The following TTC6 variants were observed in gnomAD, a reference collection of about 807,000 sequenced individuals.
TTC6 encodes the protein tetratricopeptide repeat protein 6.
Under a neutral mutation model 210.4 loss-of-function variants are expected in TTC6, and 172 were observed. The ratio of observed to expected loss-of-function variants is 0.82; its 90% CI spans 0.72 to 0.93. TTC6 has a LOEUF of 0.93. Among genes scored for constraint, TTC6 ranks in the 40% least tolerant of loss-of-function variants. TTC6 has a pLI of 0.00. For missense variants in TTC6, 2,414 were observed against 2,318.1 expected (o/e 1.04, Z -0.85); for synonymous variants, 804 against 819.6 (o/e 0.98, Z 0.32).
chr14:37,613,327 G>A (rs765225127), intron 2 of TTC6, among the ~76,000 whole-genome samples: 12 of 151,864 alleles, frequency 7.9e-5, no homozygotes, highest in Non-Finnish European at 1.3e-4. Context: ...TTCAACCCTT[G>A]GATAAACTCT....
At chr14:37,711,373 A>AACAGGG (rs1405206632) in intron 5 of TTC6, among the ~76,000 whole-genome samples, 5 of 152,232 alleles carry the variant, frequency 3.3e-5, no homozygotes, top group Non-Finnish European at 5.9e-5. Context: ...GATCAAATGC[A>AACAGGG]ACAGGGAAAC....
At chr14:37,778,989 C>G (rs1383321027) in intron 14 of TTC6, among the ~76,000 whole-genome samples, 1 of 152,160 alleles carries the variant, frequency 6.6e-6, no homozygotes, top group Admixed American at 6.5e-5. Flanking sequence ...CTGCTCCAAA[C>G]CCTCTGGGCT....
At chr14:37,821,674 T>G (rs1566974346) in intron 26 of TTC6, among the ~76,000 whole-genome samples, 1 of 151,468 alleles carries the variant, frequency 6.6e-6, no homozygotes, top group Non-Finnish European at 1.5e-5. Context: ...AAATACCGTA[T>G]CACATTGTGA....
chr14:37,682,145 C>T (rs188868722), intron 2 of TTC6, among the ~76,000 whole-genome samples: 11 of 73,532 alleles, frequency 1.5e-4, no homozygotes, highest in South Asian at 6.8e-4. Flanking sequence ...TCCAGTGTGT[C>T]GAACCACTAA....
chr14:37,776,841 G>A (rs2096039238), intron 14 of TTC6, among the ~76,000 whole-genome samples: 1 of 152,018 alleles, frequency 6.6e-6, no homozygotes, highest in Admixed American at 6.6e-5. Context: ...AGGTTGCAGT[G>A]AGCCGAGATG....
chr14:37,700,045 A>G (rs771047720), intron 4 of TTC6, among the ~76,000 whole-genome samples: 52 of 152,272 alleles, frequency 3.4e-4, no homozygotes, highest in Non-Finnish European at 6.8e-4. Flanking sequence ...AATTTCAACA[A>G]GTTATTCATA....
intron 7 of TTC6, among the ~76,000 whole-genome samples, chr14:37,733,620 C>A (rs1437392137): frequency 6.6e-6 from 1 of 152,142 alleles, no homozygotes; most frequent in Non-Finnish European, 1.5e-5. Context: ...TCTTCTGCTT[C>A]TCCTAAACCT....
At chr14:37,749,619 A>G in intron 11 of TTC6, 95 bp from the exon 14 acceptor site, 1 of 1,057,058 alleles carries the variant, frequency 9.5e-7, no homozygotes, top group Non-Finnish European at 1.2e-6. Context: ...GTACATACAA[A>G]GCCACTGGGA....
intron 8 of TTC6, among the ~76,000 whole-genome samples, chr14:37,737,433 A>T (rs1437927804): frequency 2.0e-5 from 3 of 151,978 alleles, no homozygotes; most frequent in Admixed American, 6.6e-5. Context: ...TGAATTTTTT[A>T]AAAAAACATA....
chr14:37,793,759 A>G (rs1040439055), intron 17 of TTC6, among the ~76,000 whole-genome samples: 4 of 152,194 alleles, frequency 2.6e-5, no homozygotes, highest in African/African-American at 9.7e-5. Flanking sequence ...GTTCTGAGAG[A>G]CGAAAATCTC....
At chr14:37,672,821 A>ATTTTTTT (rs377117749) in intron 1 of TTC6, among the ~76,000 whole-genome samples, 26 of 128,992 alleles carry the variant, frequency 2.0e-4, no homozygotes, top group African/African-American at 7.7e-4. Context: ...TGAATTCCTC[A>ATTTTTTT]TTTTTTTTTT....
intron 14 of TTC6, among the ~76,000 whole-genome samples, chr14:37,785,327 A>C (rs1335585989): frequency 6.6e-6 from 1 of 151,616 alleles, no homozygotes; most frequent in Non-Finnish European, 1.5e-5. Flanking sequence ...ATTTCTTTTT[A>C]CTCTTTTTTC....
In TTC6 at chr14:37,787,657, A is replaced by G. The variant is rs1566954877; in HGVS notation, c.3436+20A>G. On this transcript the variant is annotated intron_variant, in intron 15 of 30. Coordinates refer to ENST00000553443, the Ensembl canonical transcript of TTC6. ...TTTCAGGTACTTTGCCTTCAATTAC[A>G]TGTATATAGCAACCCAATCTGAGAT... 2 of 1,431,238 alleles carry G rather than the reference A, an allele frequency of 1.4e-6. No homozygotes were observed. Among genetic ancestry groups the G allele is most frequent in the Admixed American group, 2.3e-5 (1 of 42,810 alleles). The allele number at this position is 1,431,238 out of a possible 1,614,324, so 88.7% of individuals were successfully genotyped here. A position where few individuals can be genotyped will look rare whatever the true frequency, so the allele number is the denominator to read the frequency against.
upstream of TTC6, among the ~76,000 whole-genome samples, chr14:37,619,419 A>G (rs1197122952): frequency 6.6e-6 from 1 of 152,200 alleles, no homozygotes; most frequent in Non-Finnish European, 1.5e-5. Flanking sequence ...TATTTCATGA[A>G]TTGATATGAG....
chr14:37,795,737 T>G (rs2096091267), intron 18 of TTC6, among the ~76,000 whole-genome samples: 1 of 152,112 alleles, frequency 6.6e-6, no homozygotes, highest in Admixed American at 6.6e-5. Context: ...GCTAATTCAG[T>G]GAAAAGAAGT....
Position 37,841,687 on chromosome 14 carries a change from T to G in TTC6, c.5524+17T>G, listed in dbSNP as rs571108917. On this transcript the variant is annotated intron_variant, in intron 30 of 30. Coordinates refer to ENST00000553443, the Ensembl canonical transcript of TTC6. ...TTAATAAAGGTACACTTTTGGTAAT[T>G]ATTCTGGTAAGATTACAGTGGTTGA... is the stretch of plus-strand genomic sequence containing the variant. 1.3e-6 allele frequency: 2 copies of G among 1,574,350 alleles called. No individual in the cohort carries two copies. Among genetic ancestry groups the G allele is most frequent in the Non-Finnish European group, 1.7e-6 (2 of 1,154,498 alleles).
intron 3 of TTC6, among the ~76,000 whole-genome samples, chr14:37,685,046 G>A (rs907004237): frequency 6.6e-6 from 1 of 152,100 alleles, no homozygotes; most frequent in South Asian, 2.1e-4. Flanking sequence ...AAGGTGATTG[G>A]TATTTTTGTC....
chr14:37,623,944 A>G (rs1312071913), intron 1 of TTC6, among the ~76,000 whole-genome samples: 1 of 152,248 alleles, frequency 6.6e-6, no homozygotes, highest in African/African-American at 2.4e-5. Context: ...AGAAAGAAAG[A>G]AAAAATATGA....
chr14:37,707,564 A>C (rs553570612), intron 5 of TTC6, among the ~76,000 whole-genome samples: 1 of 152,068 alleles, frequency 6.6e-6, no homozygotes, highest in East Asian at 1.9e-4. Context: ...TCTAAATTCT[A>C]TCAGTCTCTT....
Sources: allele counts gnomAD v4.1 joint callset (sites outside exome capture counted in the v4.1 genomes callset), GRCh38; gene constraint gnomAD v4.1.1; transcripts MANE v1.5; gene names NCBI Gene and HGNC (gene_info 2026-07-23, HGNC 2026-07-21).